Variants in SRD5A2 observed in about 807,000 individuals in gnomAD.
SRD5A2 encodes the protein 3-oxo-5-alpha-steroid 4-dehydrogenase 2.
In SRD5A2, 30 loss-of-function variants were observed where a neutral mutation model predicts 27.4. The observed-to-expected ratio is 1.10, with a 90% CI of 0.82 to 1.49. The LOEUF is 1.49. SRD5A2 is among the 40% of genes most tolerant of loss of function. The pLI is 0.00. For synonymous variants in SRD5A2, 141 were observed against 133.6 expected (o/e 1.06, Z -0.38); for missense variants, 348 against 323.4 (o/e 1.08, Z -0.58).
the SRD5A2 span, among the ~76,000 whole-genome samples, chr2:31,618,914 T>C: frequency 4.5e-3 from 682 of 152,276 alleles, 3 homozygotes; most frequent in African/African-American, 0.016. Context: ...AATGTACACA[T>C]AGATCAAAAC....
In SRD5A2 at chr2:31,525,478, T is replaced by C. The variant is rs1665757127; in HGVS notation, c.*718A>G. 1 of 225,386 alleles carries C rather than the reference T, an allele frequency of 4.4e-6. No homozygotes were observed. Among genetic ancestry groups the C allele is most frequent in the Non-Finnish European group, 8.8e-6 (1 of 113,156 alleles). 14.0% of individuals were successfully genotyped at this position (225,386 alleles called of 1,614,324 possible). A position where few individuals can be genotyped will look rare whatever the true frequency, so the allele number is the denominator to read the frequency against. ...CAGGTTCATGCCTTTTTGTTTGTGG[T>C]TATTAAAACCTGGCCTTCAAGAATA... On this transcript the variant is annotated 3_prime_UTR_variant, in exon 5 of 5. Transcript: ENST00000622030.
At chr2:31,582,152 C>T (rs937397504), upstream of SRD5A2, among the ~76,000 whole-genome samples, 12 of 152,162 alleles carry the variant, frequency 7.9e-5, no homozygotes, top group Non-Finnish European at 1.3e-4. Context: ...CTTGGGGCTC[C>T]ACCCCAGTCC....
At chr2:31,614,970 T>C in the SRD5A2 span, among the ~76,000 whole-genome samples, 1 of 152,192 alleles carries the variant, frequency 6.6e-6, no homozygotes, top group Non-Finnish European at 1.5e-5. Context: ...CTGATGGTTT[T>C]ATAAAGGGAA....
chr2:31,616,555 G>A, the SRD5A2 span, among the ~76,000 whole-genome samples: 2 of 152,192 alleles, frequency 1.3e-5, no homozygotes, highest in African/African-American at 2.4e-5. Flanking sequence ...CTGCCCCACT[G>A]AATTTTAGAC....
At chr2:31,559,671 A>ATATATAT (rs1407943983) in intron 1 of SRD5A2, among the ~76,000 whole-genome samples, 88 of 152,336 alleles carry the variant, frequency 5.8e-4, no homozygotes, top group African/African-American at 2.1e-3. Flanking sequence ...AAAAGGAGGC[A>ATATATAT]AATGAAAATA....
the SRD5A2 span, among the ~76,000 whole-genome samples, chr2:31,643,310 C>A: frequency 3.9e-5 from 6 of 151,932 alleles, no homozygotes; most frequent in South Asian, 1.2e-3. Context: ...CAAGACAATT[C>A]GAGCCAGTTT....
chr2:31,547,663 C>T (rs945964154), intron 1 of SRD5A2, among the ~76,000 whole-genome samples: 7 of 152,164 alleles, frequency 4.6e-5, no homozygotes, highest in East Asian at 1.9e-4. Context: ...TCCAGGCTCT[C>T]GGGCTTTCAG....
chr2:31,589,933 C>T, the SRD5A2 span, among the ~76,000 whole-genome samples: 23 of 152,166 alleles, frequency 1.5e-4, no homozygotes, highest in Non-Finnish European at 3.2e-4. Context: ...AGGGGCATGG[C>T]GGGAGTAAGA....
At chr2:31,640,981 C>T in the SRD5A2 span, among the ~76,000 whole-genome samples, 1 of 152,096 alleles carries the variant, frequency 6.6e-6, no homozygotes, top group Admixed American at 6.6e-5. Flanking sequence ...TGTGTTGGTG[C>T]TGAGCAGAAT....
At chr2:31,659,704 C>G in the SRD5A2 span, among the ~76,000 whole-genome samples, 20 of 152,086 alleles carry the variant, frequency 1.3e-4, no homozygotes, top group Non-Finnish European at 2.8e-4. Context: ...AATGGAAAAA[C>G]ATTCCACATT....
the SRD5A2 span, among the ~76,000 whole-genome samples, chr2:31,592,517 C>T: frequency 6.6e-6 from 1 of 152,218 alleles, no homozygotes; most frequent in East Asian, 1.9e-4. Flanking sequence ...AGCTGGATCA[C>T]ATCACAGGAC....
At chr2:31,568,696 C>T (rs1427223006) in intron 1 of SRD5A2, among the ~76,000 whole-genome samples, 1 of 152,192 alleles carries the variant, frequency 6.6e-6, no homozygotes, top group Non-Finnish European at 1.5e-5. Flanking sequence ...ACCCAGGAGC[C>T]TGTCTGCCTC....
the SRD5A2 span, among the ~76,000 whole-genome samples, chr2:31,646,300 G>A: frequency 3.3e-5 from 5 of 152,066 alleles, no homozygotes; most frequent in Non-Finnish European, 4.4e-5. Flanking sequence ...TTATTAATAG[G>A]TAAATGTTGA....
At chr2:31,647,872 A>G in the SRD5A2 span, among the ~76,000 whole-genome samples, 2 of 152,240 alleles carry the variant, frequency 1.3e-5, no homozygotes, top group Non-Finnish European at 2.9e-5. Flanking sequence ...AATGTATAAC[A>G]GTTCACTCTC....
chr2:31,647,785 G>T, the SRD5A2 span, among the ~76,000 whole-genome samples: 11 of 152,196 alleles, frequency 7.2e-5, no homozygotes, highest in African/African-American at 2.6e-4. Context: ...TTGAACATTT[G>T]CTTTTTATTT....
chr2:31,567,456 GTA>G lies in SRD5A2; in HGVS notation c.281+13162_281+13163del, dbSNP rs1553327758. ...TTGGTGTGTGTGTGTGTGTGTGTGT[GTA>G]TATATATATATATATCTACCAGTGC... On this transcript the variant is annotated intron_variant, in intron 1 of 4. Coordinates refer to ENST00000622030, the MANE Select transcript of SRD5A2 (RefSeq NM_000348.4). Among the ~76,000 whole-genome samples the G allele has an allele frequency of 4.0e-3, 564 of 140,276 alleles. 4 individuals are homozygous for G. The highest frequency in any genetic ancestry group is 0.015 in the African/African-American group (551 of 37,442). 92.0% of individuals were successfully genotyped at this position (140,276 alleles called of 152,430 possible).
chr2:31,647,141 T>C, the SRD5A2 span, among the ~76,000 whole-genome samples: 1 of 151,950 alleles, frequency 6.6e-6, no homozygotes, highest in African/African-American at 2.4e-5. Flanking sequence ...TAACACCCTG[T>C]CTCAGAAAAC....
the SRD5A2 span, among the ~76,000 whole-genome samples, chr2:31,657,964 C>A: frequency 6.6e-6 from 1 of 151,884 alleles, no homozygotes; most frequent in Non-Finnish European, 1.5e-5. Context: ...ACAGTAAATA[C>A]AAAAAAATAC....
intron 1 of SRD5A2, among the ~76,000 whole-genome samples, chr2:31,548,002 G>C (rs1378431806): frequency 1.3e-5 from 2 of 152,112 alleles, no homozygotes; most frequent in Non-Finnish European, 2.9e-5. Context: ...AGAAAGAACA[G>C]TCTTTTCAGC....
Sources: allele counts gnomAD v4.1 joint callset (sites outside exome capture counted in the v4.1 genomes callset), GRCh38; gene constraint gnomAD v4.1.1; transcripts MANE v1.5; gene names NCBI Gene and HGNC (gene_info 2026-07-23, HGNC 2026-07-21).